MYO9A: variants seen among roughly 807,000 people sequenced by gnomAD.
MYO9A encodes myosin IXA, also known as unconventional myosin-IXa.
MYO9A carries 103 observed loss-of-function variants against 293.3 expected under a neutral mutation model. The observed-to-expected ratio is 0.35, with a 90% CI of 0.30 to 0.41. MYO9A has a LOEUF of 0.41. Ranked by LOEUF, MYO9A falls within the 10% of genes least tolerant of loss-of-function variation. The pLI is 1.00. For missense variants in MYO9A, 2,685 were observed against 3,033.0 expected, an observed-to-expected ratio of 0.89 and a Z score of 2.69; for synonymous variants, 1,001 against 1,035.7, an observed-to-expected ratio of 0.97 and a Z score of 0.64.
chr15:72,062,023 T>C (rs2078892786), intron 1 of MYO9A, among the ~76,000 whole-genome samples: 2 of 152,034 alleles, frequency 1.3e-5, no homozygotes, highest in Middle Eastern at 3.2e-3. Context: ...TGAGGAAAAG[T>C]AAGGGAAGAG....
intron 10 of MYO9A, among the ~76,000 whole-genome samples, chr15:71,992,385 A>G (rs1007251328): frequency 2.0e-5 from 3 of 152,236 alleles, no homozygotes; most frequent in Admixed American, 6.5e-5. Context: ...AAATGAAAAT[A>G]ATTTTTCTCC....
chr15:71,872,186 A>AT (rs1435262787), intron 32 of MYO9A, among the ~76,000 whole-genome samples: 2 of 151,982 alleles, frequency 1.3e-5, no homozygotes, highest in East Asian at 1.9e-4. Flanking sequence ...ATTGGCAGTC[A>AT]TTTTTTTTCT....
intron 1 of MYO9A, among the ~76,000 whole-genome samples, chr15:72,112,726 A>G (rs1596611280): frequency 6.6e-6 from 1 of 152,320 alleles, no homozygotes; most frequent in Non-Finnish European, 1.5e-5. Context: ...ATAGGTACAG[A>G]AACCTATATG....
chr15:72,085,721 T>G (rs1326488264), intron 1 of MYO9A, among the ~76,000 whole-genome samples: 1 of 152,240 alleles, frequency 6.6e-6, no homozygotes, highest in Non-Finnish European at 1.5e-5. Context: ...TTATCAGGAT[T>G]CTTACGCTGG....
intron 11 of MYO9A, among the ~76,000 whole-genome samples, chr15:71,982,902 T>A (rs749130118): frequency 6.6e-6 from 1 of 152,242 alleles, no homozygotes; most frequent in Non-Finnish European, 1.5e-5. Flanking sequence ...AAGGGTAACA[T>A]TATTAAATAT....
chr15:72,066,179 G>A (rs2079015426), intron 1 of MYO9A, among the ~76,000 whole-genome samples: 1 of 152,176 alleles, frequency 6.6e-6, no homozygotes, highest in South Asian at 2.1e-4. Context: ...GAGATTTTCA[G>A]GTTAAGCAGT....
At chr15:72,011,458 C>T (rs1050076101) in intron 6 of MYO9A, among the ~76,000 whole-genome samples, 1 of 151,858 alleles carries the variant, frequency 6.6e-6, no homozygotes, top group Admixed American at 6.6e-5. Context: ...TCAGAAAACA[C>T]ATCAGATGAG....
At chr15:72,098,061 G>A (rs1222910339) in intron 1 of MYO9A, among the ~76,000 whole-genome samples, 1 of 152,050 alleles carries the variant, frequency 6.6e-6, no homozygotes, top group Non-Finnish European at 1.5e-5. Flanking sequence ...ATTTTTCAAA[G>A]ATGTCCACAC....
chr15:71,923,145 T>G (rs2058200518), intron 18 of MYO9A, among the ~76,000 whole-genome samples: 1 of 152,202 alleles, frequency 6.6e-6, no homozygotes, highest in Non-Finnish European at 1.5e-5. Flanking sequence ...ACTGTATAAT[T>G]TTTTCCCTTA....
intron 14 of MYO9A, among the ~76,000 whole-genome samples, chr15:71,956,333 A>ATATATATG (rs2059189775): frequency 1.1e-5 from 1 of 93,564 alleles, no homozygotes; most frequent in Non-Finnish European, 2.2e-5. Flanking sequence ...AAAAAAAAAT[A>ATATATATG]TATATATATA....
At chr15:72,101,476 C>T (rs1596576123) in intron 1 of MYO9A, among the ~76,000 whole-genome samples, 1 of 109,226 alleles carries the variant, frequency 9.2e-6, no homozygotes, top group Non-Finnish European at 1.9e-5. Context: ...GCGGGGTCAG[C>T]CCCCCGCCCG....
At chr15:71,844,329 T>C (rs1445619625) in intron 39 of MYO9A, among the ~76,000 whole-genome samples, 2 of 152,242 alleles carry the variant, frequency 1.3e-5, no homozygotes, top group Non-Finnish European at 2.9e-5. Flanking sequence ...AGATTTGCCA[T>C]GCTCTGTCTA....
chr15:71,931,595 G>A (rs949216633), intron 18 of MYO9A, among the ~76,000 whole-genome samples: 4 of 151,992 alleles, frequency 2.6e-5, no homozygotes, highest in African/African-American at 4.8e-5. Context: ...GATAGTATTC[G>A]GTGTCCTTTG....
At chr15:72,017,728 C>A (rs1351008994) in intron 6 of MYO9A, among the ~76,000 whole-genome samples, 3 of 152,240 alleles carry the variant, frequency 2.0e-5, no homozygotes, top group East Asian at 3.9e-4. Flanking sequence ...TATAAACATG[C>A]TGTGAGAATC....
intron 6 of MYO9A, among the ~76,000 whole-genome samples, chr15:72,011,563 A>T (rs1185920368): frequency 1.3e-5 from 2 of 151,822 alleles, no homozygotes; most frequent in Admixed American, 6.6e-5. Context: ...GGAGTTTGAG[A>T]CCAGCCTGGG....
chr15:72,068,272 T>G (rs1459925086), intron 1 of MYO9A, among the ~76,000 whole-genome samples: 4 of 152,196 alleles, frequency 2.6e-5, no homozygotes, highest in African/African-American at 9.6e-5. Flanking sequence ...TCTGAAATTC[T>G]GTAATATTTA....
intron 13 of MYO9A, among the ~76,000 whole-genome samples, chr15:71,962,228 T>C (rs562607472): frequency 3.9e-5 from 6 of 152,192 alleles, no homozygotes; most frequent in Non-Finnish European, 8.8e-5. Flanking sequence ...TCTTACCAAA[T>C]GGAAGGATTA....
intron 16 of MYO9A, among the ~76,000 whole-genome samples, chr15:71,936,467 G>T (rs1366960099): frequency 1.3e-5 from 2 of 152,024 alleles, no homozygotes; most frequent in African/African-American, 4.8e-5. Flanking sequence ...ACAGCTAGAA[G>T]ACAGAATTTT....
chr15:71,861,722 T>C (rs993343528), intron 33 of MYO9A, among the ~76,000 whole-genome samples: 1 of 144,154 alleles, frequency 6.9e-6, no homozygotes. Context: ...TCCTGACCTA[T>C]AGAGCATATA....
Sources: gnomAD v4.1 joint callset for allele counts (sites outside exome capture counted in the v4.1 genomes callset) on GRCh38, gnomAD v4.1.1 for gene constraint, MANE v1.5 for transcripts, NCBI Gene and HGNC (gene_info 2026-07-23, HGNC 2026-07-21) for gene names.